The following RNF17 variants were observed in gnomAD, a reference collection of about 807,000 sequenced individuals.
RNF17 encodes the protein spermatogenesis associated 23.
In RNF17, 31 loss-of-function variants were observed where a neutral mutation model predicts 200.5. The ratio of observed to expected loss-of-function variants is 0.15; its 90% CI spans 0.12 to 0.21. RNF17 has a LOEUF of 0.21. Among genes scored for constraint, RNF17 ranks in the 10% least tolerant of loss-of-function variants. The pLI is 1.00. For missense variants in RNF17, 1,628 were observed against 1,905.1 expected, an observed-to-expected ratio of 0.85 and a Z score of 2.71; for synonymous variants, 606 against 637.8, an observed-to-expected ratio of 0.95 and a Z score of 0.75.
chr13:24,753,159 T>TA, the RNF17 span, among the ~76,000 whole-genome samples: 1 of 152,208 alleles, frequency 6.6e-6, no homozygotes, highest in Admixed American at 6.5e-5. Context: ...ATGTTGATGC[T>TA]AAAAAAGAAG....
intron 18 of RNF17, among the ~76,000 whole-genome samples, chr13:24,839,827 G>A (rs959786294): frequency 1.3e-5 from 2 of 152,172 alleles, no homozygotes; most frequent in African/African-American, 4.8e-5. Flanking sequence ...CTTAGGCAAG[G>A]ATTTCATGAC....
chr13:24,812,684 C>CCTT (rs1395529489), intron 15 of RNF17, among the ~76,000 whole-genome samples: 1 of 86,898 alleles, frequency 1.2e-5, no homozygotes. Flanking sequence ...GCCCCACCCC[C>CCTT]TTTTTTTTTT....
chr13:24,851,004 C>G (rs990432983), intron 23 of RNF17, among the ~76,000 whole-genome samples: 3 of 152,022 alleles, frequency 2.0e-5, no homozygotes, highest in Non-Finnish European at 2.9e-5. Context: ...ATGCTGTTTG[C>G]TTTTTTTAAG....
In RNF17 at chr13:24,877,088, G is replaced by T; in HGVS notation, c.4675G>T (p.Gly1559Trp). The T allele has an allele frequency of 6.2e-7, 1 of 1,612,696 alleles. No homozygotes were observed. Among genetic ancestry groups the T allele is most frequent in the Non-Finnish European group, 8.5e-7 (1 of 1,178,954 alleles). The change falls in exon 34 of 36, where the codon GGG (glycine) becomes TGG (tryptophan). Residue 1559 changes from glycine to tryptophan, a missense_variant. By Grantham distance (184) the Gly-to-Trp change is radical (BLOSUM62 -2). This residue lies in a region of RNF17 where 609 missense variants were observed against 681.9 expected (regional missense o/e 0.89). Coordinates refer to ENST00000255324, the MANE Select transcript of RNF17 (RefSeq NM_031277.3). ...AGFKPPLRDL[G>W]ETRIPYCPKW... ...GTTTAAACCTCCCTTAAGGGATCTA[G>T]GGGAGACAAGAATACCATATTGTCC...
intron 31 of RNF17, among the ~76,000 whole-genome samples, chr13:24,869,934 A>ATTTTTT (rs34196797): frequency 1.7e-4 from 14 of 83,752 alleles, no homozygotes; most frequent in East Asian, 3.6e-4. Flanking sequence ...TGCCCAGCTA[A>ATTTTTT]TTTTTTTTTT....
At chr13:24,835,592 C>T (rs1396418380) in intron 18 of RNF17, among the ~76,000 whole-genome samples, 15 of 144,578 alleles carry the variant, frequency 1.0e-4, no homozygotes, top group Middle Eastern at 3.5e-3. Flanking sequence ...TAGTTCAGCT[C>T]ACAGGAAGCC....
chr13:24,883,872 T>C, downstream of RNF17: 4 of 1,452,190 alleles, frequency 2.8e-6, no homozygotes, highest in African/African-American at 1.4e-5. Context: ...GTGTCACATA[T>C]CATCAGAAAC....
chr13:24,776,057 AAAT>A (rs1328774422), intron 3 of RNF17, among the ~76,000 whole-genome samples: 6 of 152,228 alleles, frequency 3.9e-5, no homozygotes, highest in Non-Finnish European at 5.9e-5. Context: ...AAGAAATAAA[AAAT>A]AGGATTCTTT....
intron 31 of RNF17, among the ~76,000 whole-genome samples, chr13:24,869,934 A>AT (rs34196797): frequency 0.26 from 22,128 of 83,894 alleles, 3,226 homozygotes; most frequent in East Asian, 0.32. Flanking sequence ...TGCCCAGCTA[A>AT]TTTTTTTTTT....
At chr13:24,862,070 C>A (rs933198168) in intron 27 of RNF17, among the ~76,000 whole-genome samples, 24 of 152,170 alleles carry the variant, frequency 1.6e-4, no homozygotes, top group Admixed American at 5.2e-4. Context: ...TGAGAACTCA[C>A]AATCAGCATG....
At chr13:24,861,100 A>C (rs1197208883) in intron 26 of RNF17, among the ~76,000 whole-genome samples, 168 bp from the exon 27 acceptor site, 2 of 152,056 alleles carry the variant, frequency 1.3e-5, no homozygotes, top group Non-Finnish European at 2.9e-5. Flanking sequence ...GCTGGTCTCA[A>C]ACTCCTGGGC....
chr13:24,785,395 A>T (rs1435897631), intron 6 of RNF17, among the ~76,000 whole-genome samples: 1 of 151,928 alleles, frequency 6.6e-6, no homozygotes, highest in African/African-American at 2.4e-5. Flanking sequence ...TTTTCCTGTT[A>T]TTTCTAGGTC....
intron 16 of RNF17, 66 bp from the exon 17 acceptor site, chr13:24,830,418 C>T: frequency 1.1e-6 from 1 of 924,362 alleles, no homozygotes; most frequent in South Asian, 1.5e-5. Flanking sequence ...GGCCATAAAC[C>T]AATCTAAATT....
chr13:24,860,541 AT>A (rs963849331), intron 26 of RNF17, among the ~76,000 whole-genome samples: 1 of 152,086 alleles, frequency 6.6e-6, no homozygotes, highest in African/African-American at 2.4e-5. Flanking sequence ...GTTTAATTCT[AT>A]TTTATTTTTT....
At chr13:24,770,086 A>G (rs1009927506) in intron 2 of RNF17, among the ~76,000 whole-genome samples, 1 of 152,184 alleles carries the variant, frequency 6.6e-6, no homozygotes, top group Non-Finnish European at 1.5e-5. Flanking sequence ...AAATCATCCA[A>G]TCAATAGATA....
intron 1 of RNF17, 40 bp downstream of exon 1, chr13:24,764,373 G>C (rs763884047): frequency 1.3e-6 from 2 of 1,533,648 alleles, no homozygotes; most frequent in Non-Finnish European, 1.8e-6. Flanking sequence ...GAGGCAGCCT[G>C]GAGGGAGCGC....
intron 5 of RNF17, among the ~76,000 whole-genome samples, chr13:24,780,920 C>T (rs1882271202): frequency 6.6e-6 from 1 of 151,994 alleles, no homozygotes; most frequent in Admixed American, 6.6e-5. Context: ...ATTAAAATCT[C>T]ACCTTCTAAG....
At position 24,827,993 on chromosome 13, in the gene RNF17, A is replaced by C. The variant is rs113471966; in HGVS notation, c.2245+2221A>C. On this transcript the variant is annotated intron_variant, in intron 16 of 35. Transcript: ENST00000255324. Reference sequence around the variant, plus strand: ...ATCACCTCCCAAGTACTGCTGCATTAGGGATTAAGTTTCAACATGAATTTT... The same window carrying C: ...ATCACCTCCCAAGTACTGCTGCATTCGGGATTAAGTTTCAACATGAATTTT... 9.1e-4 allele frequency among the ~76,000 whole-genome samples: 138 copies of C among 152,276 alleles called. 1 individual carries two copies. Among genetic ancestry groups the C allele is most frequent in the African/African-American group, 3.2e-3 (132 of 41,560 alleles).
chr13:24,779,771 T>G, intron 5 of RNF17, 24 bp downstream of exon 5: 5 of 1,566,570 alleles, frequency 3.2e-6, no homozygotes, highest in Non-Finnish European at 4.4e-6. Context: ...AGGATTAAAT[T>G]CTATCATGAA....
Sources: allele counts gnomAD v4.1 joint callset (sites outside exome capture counted in the v4.1 genomes callset), GRCh38; gene constraint gnomAD v4.1.1; regional missense constraint gnomAD v4.1.1; transcripts MANE v1.5; gene names NCBI Gene and HGNC (gene_info 2026-07-23, HGNC 2026-07-21).